The following SHC3 variants were observed in gnomAD, a reference collection of about 807,000 sequenced individuals.
The protein encoded by SHC3 is SHC-transforming protein 3.
SHC3 carries 15 observed loss-of-function variants against 60.4 expected under a neutral mutation model. The observed-to-expected ratio is 0.25, with a 90% CI of 0.17 to 0.38. The LOEUF (loss-of-function observed/expected upper bound fraction) is 0.38. Ranked by LOEUF, SHC3 falls within the 10% of genes least tolerant of loss-of-function variation. The probability of loss-of-function intolerance (pLI) is 1.00; values close to 1 mark genes in which losing one functional copy is unlikely to be tolerated. For missense variants in SHC3, 677 were observed against 786.1 expected (o/e 0.86, Z 1.66); for synonymous variants, 294 against 325.9 (o/e 0.90, Z 1.05).
chr9:89,078,824 T>A (rs1825402410), intron 2 of SHC3, among the ~76,000 whole-genome samples: 1 of 152,140 alleles, frequency 6.6e-6, no homozygotes, highest in South Asian at 2.1e-4. Context: ...GAGAAAATAC[T>A]ACTGCATAGA....
Position 89,037,997 on chromosome 9 carries a change from C to A in SHC3, c.1652G>T (p.Gly551Val), listed in dbSNP as rs1308136437. Residue 551 changes from glycine to valine, a missense_variant, in exon 11 of 12, where the codon GGC (glycine) becomes GTC (valine). Coordinates refer to ENST00000375835, the MANE Select transcript of SHC3 (RefSeq NM_016848.6). ...AKHLLLVDPEGTIRTKDRVFD... is the reference protein window; with the variant it reads ...AKHLLLVDPEVTIRTKDRVFD... ...CCACCCCCACTGGGTGCTCACCGTG[C>A]CTTCTGGGTCCACGAGCAGCAGGTG... is the stretch of plus-strand genomic sequence containing the variant. The A allele has an allele frequency of 1.9e-6, 3 of 1,607,146 alleles. No individual in the cohort carries two copies. The highest frequency in any genetic ancestry group is 2.5e-6 in the Non-Finnish European group (3 of 1,179,742).
intron 11 of SHC3, among the ~76,000 whole-genome samples, chr9:89,024,570 CCT>C (rs1168378326): frequency 1.3e-5 from 2 of 152,260 alleles, no homozygotes; most frequent in Non-Finnish European, 2.9e-5. Flanking sequence ...AAGTTACTGA[CCT>C]CTCTGTAAGA....
chr9:89,053,387 A>C (rs1355680825), intron 6 of SHC3, among the ~76,000 whole-genome samples: 1 of 152,224 alleles, frequency 6.6e-6, no homozygotes, highest in Non-Finnish European at 1.5e-5. Flanking sequence ...GCCAGTACAT[A>C]CTGGAAAGAT....
At chr9:89,020,378 G>C (rs934089878) in intron 11 of SHC3, among the ~76,000 whole-genome samples, 2 of 152,138 alleles carry the variant, frequency 1.3e-5, no homozygotes, top group Non-Finnish European at 2.9e-5. Flanking sequence ...GTGCCACATT[G>C]TGGGTGTGGG....
chr9:89,121,680 A>G (rs1826095249), intron 1 of SHC3, among the ~76,000 whole-genome samples: 1 of 152,220 alleles, frequency 6.6e-6, no homozygotes, highest in Non-Finnish European at 1.5e-5. Flanking sequence ...TTGCATGAAA[A>G]TGCATAAAAA....
chr9:89,132,015 G>A (rs1294693462), intron 1 of SHC3, among the ~76,000 whole-genome samples: 16 of 152,226 alleles, frequency 1.1e-4, no homozygotes, highest in South Asian at 8.3e-4. Context: ...AAACCCCATC[G>A]TCTCAGCCCA....
In SHC3 at chr9:89,052,034, C is replaced by T; in HGVS notation, c.962+3G>A. The stretch of plus-strand genomic sequence containing the variant: ...TTGCAAATGGTGTCACAGCACTACT[C>T]ACCGATCATGGAGAGCGGGAATCTT... On this transcript the variant is annotated splice_donor_region_variant and intron_variant, in intron 7 of 11. Transcript: ENST00000375835. The T allele has an allele frequency of 8.7e-6, 14 of 1,613,400 alleles. No homozygotes were observed. Among genetic ancestry groups the T allele is most frequent in the Non-Finnish European group, 1.2e-5 (14 of 1,179,572 alleles).
intron 4 of SHC3, among the ~76,000 whole-genome samples, chr9:89,071,554 C>T (rs957056851): frequency 6.6e-6 from 1 of 152,112 alleles, no homozygotes; most frequent in Non-Finnish European, 1.5e-5. Context: ...GTGGCTTGCT[C>T]AAATTAAGAC....
At chr9:89,173,673 T>C (rs1189641502) in intron 1 of SHC3, among the ~76,000 whole-genome samples, 1 of 151,888 alleles carries the variant, frequency 6.6e-6, no homozygotes, top group Admixed American at 6.6e-5. Flanking sequence ...GCAGTGTCTG[T>C]ATGGTTGTGT....
At position 89,007,006 on chromosome 9, in the gene SHC3, G is replaced by A. The variant is rs1434911691; in HGVS notation, c.*6441C>T. ...TTTTCTGTCTGCAGTATTTCAAGGT[G>A]AGACAACAAAATAGACACCTAAAAT... On this transcript the variant is annotated 3_prime_UTR_variant, in exon 12 of 12. Transcript: ENST00000375835. 2.6e-5 allele frequency: 4 copies of A among 152,222 alleles called. No homozygotes were observed. The highest frequency in any genetic ancestry group is 4.8e-5 in the African/African-American group (2 of 41,456). 9.4% of individuals were successfully genotyped at this position (152,222 alleles called of 1,614,324 possible).
In SHC3 at chr9:89,131,987, C is replaced by T. The variant is rs1404631541; in HGVS notation, c.475-19361G>A. 7.9e-5 allele frequency among the ~76,000 whole-genome samples: 12 copies of T among 152,150 alleles called. 1 individual carries two copies. Among genetic ancestry groups the T allele is most frequent in the South Asian group, 4.1e-4 (2 of 4,828 alleles). ...TCAAATTGTCCCCGTTTGCAGATGA[C>T]GTGATTGTATATTTAGAAAACCCCA... On this transcript the variant is annotated intron_variant, in intron 1 of 11. Transcript: ENST00000375835.
intron 7 of SHC3, among the ~76,000 whole-genome samples, chr9:89,050,475 GGGATTTCACTCTGTTGGCCAGGCT>G (rs1210450166): frequency 6.6e-6 from 1 of 152,052 alleles, no homozygotes; most frequent in Admixed American, 6.6e-5. Flanking sequence ...TAGTAGAGAC[GGGATTTCACTCTGTTGGCCAGGCT>G]GGTCTTGAAC....
intron 11 of SHC3, among the ~76,000 whole-genome samples, chr9:89,020,382 G>T (rs1826178939): frequency 6.6e-6 from 1 of 152,234 alleles, no homozygotes; most frequent in South Asian, 2.1e-4. Context: ...CACATTGTGG[G>T]TGTGGGGGCC....
chr9:89,118,967 TTAAA>T (rs1826053847), intron 1 of SHC3, among the ~76,000 whole-genome samples: 1 of 152,094 alleles, frequency 6.6e-6, no homozygotes, highest in African/African-American at 2.4e-5. Context: ...ATGCGTAACT[TTAAA>T]TATGTATTTT....
At chr9:89,068,807 T>C (rs528579082) in intron 5 of SHC3, among the ~76,000 whole-genome samples, 2 of 152,326 alleles carry the variant, frequency 1.3e-5, no homozygotes, top group African/African-American at 4.8e-5. Context: ...TCACTCATAA[T>C]GTCAACATTA....
intron 5 of SHC3, among the ~76,000 whole-genome samples, chr9:89,066,519 C>G (rs1319635317): frequency 6.6e-6 from 1 of 152,146 alleles, no homozygotes; most frequent in Non-Finnish European, 1.5e-5. Context: ...TAGACCACGG[C>G]AACCATATGC....
chr9:89,079,956 C>T (rs954222175), intron 2 of SHC3, among the ~76,000 whole-genome samples: 14 of 152,286 alleles, frequency 9.2e-5, no homozygotes, highest in African/African-American at 2.6e-4. Flanking sequence ...TACGATAACA[C>T]GTGTGTGTGA....
intron 11 of SHC3, among the ~76,000 whole-genome samples, chr9:89,018,195 C>T (rs959379654): frequency 2.6e-5 from 4 of 152,150 alleles, no homozygotes; most frequent in Non-Finnish European, 5.9e-5. Context: ...TGCACACGTG[C>T]GTTTATTGCA....
At chr9:89,070,219 C>A (rs1317742135) in intron 5 of SHC3, among the ~76,000 whole-genome samples, 1 of 152,136 alleles carries the variant, frequency 6.6e-6, no homozygotes, top group Admixed American at 6.6e-5. Context: ...AAATTTAGCT[C>A]CAGGAAAAAC....
Sources: allele counts gnomAD v4.1 joint callset (sites outside exome capture counted in the v4.1 genomes callset), GRCh38; gene constraint gnomAD v4.1.1; transcripts MANE v1.5; gene names NCBI Gene and HGNC (gene_info 2026-07-23, HGNC 2026-07-21).